DOCK2: variants seen among roughly 807,000 people sequenced by gnomAD.
DOCK2 encodes the protein dedicator of cytokinesis protein 2.
Under a neutral mutation model 248.9 loss-of-function variants are expected in DOCK2, and 87 were observed. The ratio of observed to expected loss-of-function variants is 0.35; its 90% CI spans 0.29 to 0.42. DOCK2 has a LOEUF of 0.42. DOCK2 is among the 10% of genes least tolerant of loss of function. The pLI is 1.00. For missense variants in DOCK2, 1,747 were observed against 2,300.2 expected (o/e 0.76, Z 4.92); for synonymous variants, 805 against 821.6 (o/e 0.98, Z 0.35).
chr5:170,080,426 C>G, intron 50 of DOCK2, 143 bp downstream of exon 50: 4 of 1,296,678 alleles, frequency 3.1e-6, no homozygotes, highest in Non-Finnish European at 4.2e-6. Context: ...CATAGCCACC[C>G]ACCCTCTAAT....
At chr5:170,004,224 G>T (rs1021127145) in intron 30 of DOCK2, among the ~76,000 whole-genome samples, 1 of 152,210 alleles carries the variant, frequency 6.6e-6, no homozygotes, top group Non-Finnish European at 1.5e-5. Flanking sequence ...CCATATGATA[G>T]AATATTATTC....
At chr5:169,643,078 T>C (rs1200478183) in intron 1 of DOCK2, among the ~76,000 whole-genome samples, 1 of 152,196 alleles carries the variant, frequency 6.6e-6, no homozygotes, top group Non-Finnish European at 1.5e-5. Context: ...ACCACAAATG[T>C]TCCCTTTAAT....
At chr5:169,796,698 C>CG (rs1376788986) in intron 25 of DOCK2, among the ~76,000 whole-genome samples, 1 of 152,128 alleles carries the variant, frequency 6.6e-6, no homozygotes, top group African/African-American at 2.4e-5. Flanking sequence ...AAGGCAAAGG[C>CG]GGGGTGTCAG....
At chr5:169,745,675 C>T (rs1229927556) in intron 22 of DOCK2, among the ~76,000 whole-genome samples, 1 of 152,184 alleles carries the variant, frequency 6.6e-6, no homozygotes. Context: ...ATACTAGTGC[C>T]TGCCTCATGC....
At position 169,786,196 on chromosome 5, in the gene DOCK2, A is replaced by G. The variant is rs1472730181; in HGVS notation, c.2555-16862A>G. 3.3e-5 allele frequency among the ~76,000 whole-genome samples: 5 copies of G among 152,342 alleles called. No individual in the cohort carries two copies. In the East Asian group the frequency reaches 9.6e-4, roughly 29 times the overall value. On this transcript the variant is annotated intron_variant, in intron 25 of 51. Coordinates refer to ENST00000520908, the MANE Select transcript of DOCK2 (RefSeq NM_004946.3). ...GAAGGGGCATACAAAATTAATTTCTACAGCACCTCATAAATTATGATCACT... is the reference window on the plus strand; with the variant it reads ...GAAGGGGCATACAAAATTAATTTCTGCAGCACCTCATAAATTATGATCACT...
intron 27 of DOCK2, among the ~76,000 whole-genome samples, chr5:169,933,677 G>A (rs576125824): frequency 6.6e-6 from 1 of 152,106 alleles, no homozygotes; most frequent in Admixed American, 6.5e-5. Flanking sequence ...CTTACTGGCC[G>A]CACTAAGAGA....
At chr5:169,657,929 T>TA (rs1454150289) in intron 2 of DOCK2, among the ~76,000 whole-genome samples, 1 of 152,150 alleles carries the variant, frequency 6.6e-6, no homozygotes, top group Non-Finnish European at 1.5e-5. Flanking sequence ...GACAATATTT[T>TA]AAAAAATCTA....
intron 26 of DOCK2, among the ~76,000 whole-genome samples, chr5:169,817,285 G>A (rs531790136): frequency 1.3e-3 from 204 of 152,160 alleles, no homozygotes; most frequent in Non-Finnish European, 2.4e-3. Flanking sequence ...GGCCTTTCTG[G>A]CACATGTTGA....
chr5:169,666,677 GA>G (rs1187769031), intron 2 of DOCK2, among the ~76,000 whole-genome samples: 1 of 152,190 alleles, frequency 6.6e-6, no homozygotes, highest in Non-Finnish European at 1.5e-5. Context: ...AAAAATGCCA[GA>G]AAAAAGTCAT....
intron 25 of DOCK2, among the ~76,000 whole-genome samples, chr5:169,776,091 T>C (rs1338876572): frequency 2.0e-5 from 3 of 150,792 alleles, no homozygotes; most frequent in Non-Finnish European, 3.0e-5. Context: ...AGGAAACCAT[T>C]GTTTATTCTT....
At chr5:169,717,925 G>C (rs1761991099) in intron 21 of DOCK2, among the ~76,000 whole-genome samples, 1 of 152,174 alleles carries the variant, frequency 6.6e-6, no homozygotes, top group African/African-American at 2.4e-5. Context: ...AGCTGAGCAT[G>C]GTGGTGGGAG....
rs73314348 is a variant in DOCK2, at chr5:170,076,865, C to G, written c.4866+781C>G. On this transcript the variant is annotated intron_variant, in intron 47 of 51. Coordinates refer to ENST00000520908, the MANE Select transcript of DOCK2 (RefSeq NM_004946.3). The stretch of plus-strand genomic sequence containing the variant: ...AAGTCCCTGTAATGCAATTCTGGTG[C>G]TAACTCCCTGGAGTTAGGTCACATT... 5.6e-3 allele frequency among the ~76,000 whole-genome samples: 860 copies of G among 152,282 alleles called. 3 individuals are homozygous for G. Among genetic ancestry groups the G allele is most frequent in the African/African-American group, 0.018 (767 of 41,534 alleles).
chr5:169,689,206 T>C, intron 8 of DOCK2, 46 bp from the exon 9 acceptor site: 1 of 1,588,076 alleles, frequency 6.3e-7, no homozygotes, highest in Non-Finnish European at 8.6e-7. Flanking sequence ...ACTAAATGGA[T>C]GTCAGGTCCC....
rs575196503 is a variant in DOCK2, at chr5:169,712,688, G to C, written c.1659+465G>C. Among the ~76,000 whole-genome samples the C allele has an allele frequency of 1.9e-3, 295 of 152,236 alleles. 1 individual carries two copies. The highest frequency in any genetic ancestry group is 0.017 in the Middle Eastern group (5 of 294). On this transcript the variant is annotated intron_variant, in intron 17 of 51. Transcript: ENST00000520908. ...GGACTCATCTCACATATTTTCCTGA[G>C]TCTCAGTTTCTTTTTTCTTAAGCAG... is the stretch of plus-strand genomic sequence containing the variant.
At chr5:169,725,776 G>A (rs922017059) in intron 22 of DOCK2, among the ~76,000 whole-genome samples, 19 of 151,910 alleles carry the variant, frequency 1.3e-4, no homozygotes, top group East Asian at 3.9e-4. Flanking sequence ...CTCTCCTTGC[G>A]ATAGTTTGCT....
At chr5:169,681,534 A>G (rs994592362) in intron 6 of DOCK2, among the ~76,000 whole-genome samples, 1 of 152,138 alleles carries the variant, frequency 6.6e-6, no homozygotes, top group Non-Finnish European at 1.5e-5. Flanking sequence ...CCTTTTTAAA[A>G]AATTGAATGC....
intron 22 of DOCK2, 152 bp downstream of exon 22, chr5:169,718,943 T>C: frequency 9.7e-7 from 1 of 1,030,654 alleles, no homozygotes. Context: ...GTAATGAATA[T>C]GTAATAATTG....
At chr5:169,891,350 T>C (rs1165874730) in intron 27 of DOCK2, among the ~76,000 whole-genome samples, 4 of 152,234 alleles carry the variant, frequency 2.6e-5, no homozygotes, top group Non-Finnish European at 5.9e-5. Context: ...ACTTTAGTAT[T>C]TGTTGAATGA....
chr5:169,727,042 T>G (rs1762510398), intron 22 of DOCK2, among the ~76,000 whole-genome samples: 1 of 149,216 alleles, frequency 6.7e-6, no homozygotes. Flanking sequence ...CACTCCAGTC[T>G]GAGTGATAGA....
Sources: allele counts gnomAD v4.1 joint callset (sites outside exome capture counted in the v4.1 genomes callset), GRCh38; gene constraint gnomAD v4.1.1; transcripts MANE v1.5; gene names NCBI Gene and HGNC (gene_info 2026-07-23, HGNC 2026-07-21).